Variants in ANKRD13C observed in about 807,000 individuals in gnomAD.
The protein encoded by ANKRD13C is ankyrin repeat domain 13C.
In ANKRD13C, 16 loss-of-function variants were observed where a neutral mutation model predicts 65.5. The observed-to-expected ratio is 0.24, with a 90% CI of 0.17 to 0.37. ANKRD13C has a LOEUF of 0.37. Ranked by LOEUF, ANKRD13C falls within the 10% of genes least tolerant of loss-of-function variation. The pLI is 1.00. For missense variants in ANKRD13C, 503 were observed against 655.9 expected (o/e 0.77, Z 2.55); for synonymous variants, 235 against 238.7 (o/e 0.98, Z 0.14).
At chr1:70,271,923 ATCTCT>A (rs1413348321) in intron 11 of ANKRD13C, among the ~76,000 whole-genome samples, 2 of 152,122 alleles carry the variant, frequency 1.3e-5, no homozygotes, top group Admixed American at 1.3e-4. Flanking sequence ...AATTTCTTTA[ATCTCT>A]TCTACTGAAT....
intron 9 of ANKRD13C, among the ~76,000 whole-genome samples, chr1:70,282,215 C>T (rs1182274979): frequency 2.0e-5 from 3 of 151,422 alleles, no homozygotes; most frequent in Non-Finnish European, 4.4e-5. Context: ...CCACCACGCC[C>T]GGCTAATTTT....
At chr1:70,273,847 G>A (rs1384453885) in intron 11 of ANKRD13C, among the ~76,000 whole-genome samples, 1 of 151,590 alleles carries the variant, frequency 6.6e-6, no homozygotes, top group Non-Finnish European at 1.5e-5. Flanking sequence ...GTAGAGATAG[G>A]GTTTCACCAC....
chr1:70,338,326 T>C (rs1207055521), intron 1 of ANKRD13C, among the ~76,000 whole-genome samples: 1 of 152,138 alleles, frequency 6.6e-6, no homozygotes, highest in African/African-American at 2.4e-5. Flanking sequence ...TTAGGAACTC[T>C]CAGTAAAGCA....
chr1:70,277,065 A>G (rs563628982), intron 9 of ANKRD13C, among the ~76,000 whole-genome samples: 1 of 152,256 alleles, frequency 6.6e-6, no homozygotes, highest in East Asian at 1.9e-4. Context: ...AAAAAGACAA[A>G]TATCAAAATA....
At chr1:70,313,715 AT>A in intron 5 of ANKRD13C, 29 bp downstream of exon 5, 1 of 1,547,712 alleles carries the variant, frequency 6.5e-7, no homozygotes, top group South Asian at 1.1e-5. Flanking sequence ...ATAAGTACAT[AT>A]TTTATACTAA....
intron 5 of ANKRD13C, among the ~76,000 whole-genome samples, chr1:70,312,689 T>G (rs559891311): frequency 2.0e-5 from 3 of 152,054 alleles, no homozygotes; most frequent in Non-Finnish European, 4.4e-5. Context: ...AAAATTAATT[T>G]AGATGCTTCA....
In ANKRD13C at chr1:70,260,131, T is replaced by C. The variant is rs908742058; in HGVS notation, c.*2586A>G. 3.3e-5 allele frequency among the ~76,000 whole-genome samples: 5 copies of C among 152,144 alleles called. No individual in the cohort carries two copies. The highest frequency in any genetic ancestry group is 1.2e-4 in the African/African-American group (5 of 41,442). ...CTGAGCAGAAGGAAACAGTTTTTCA[T>C]CTACTAACATGTATCAGCAGACAGA... On this transcript the variant is annotated 3_prime_UTR_variant, in exon 13 of 13. Transcript: ENST00000370944.
intron 1 of ANKRD13C, among the ~76,000 whole-genome samples, chr1:70,346,518 T>C (rs986534289): frequency 2.8e-4 from 42 of 152,128 alleles, no homozygotes; most frequent in Middle Eastern, 3.4e-3. Flanking sequence ...CCCCTAACTA[T>C]AGAACAAAGC....
chr1:70,271,715 G>A (rs1421873275), intron 11 of ANKRD13C, among the ~76,000 whole-genome samples: 5 of 152,146 alleles, frequency 3.3e-5, no homozygotes, highest in African/African-American at 1.2e-4. Flanking sequence ...GTTTGATCAG[G>A]ATAATTTTTG....
At chr1:70,295,604 A>G (rs1176454078) in intron 8 of ANKRD13C, among the ~76,000 whole-genome samples, 3 of 152,212 alleles carry the variant, frequency 2.0e-5, no homozygotes, top group Non-Finnish European at 2.9e-5. Context: ...TGACAGATAC[A>G]ATGGGAATTA....
At chr1:70,270,300 T>A (rs1461348751) in intron 12 of ANKRD13C, among the ~76,000 whole-genome samples, 1 of 152,224 alleles carries the variant, frequency 6.6e-6, no homozygotes, top group East Asian at 1.9e-4. Flanking sequence ...GTGAAATAGA[T>A]CCCTTACATT....
At chr1:70,294,861 C>T (rs771029734) in intron 8 of ANKRD13C, among the ~76,000 whole-genome samples, 1 of 152,124 alleles carries the variant, frequency 6.6e-6, no homozygotes, top group Non-Finnish European at 1.5e-5. Context: ...ACATTTCTAA[C>T]TCAAGAGCAC....
intron 3 of ANKRD13C, among the ~76,000 whole-genome samples, chr1:70,322,585 G>C (rs1681357060): frequency 6.6e-6 from 1 of 151,890 alleles, no homozygotes; most frequent in South Asian, 2.1e-4. Flanking sequence ...TTGTTTATTG[G>C]CCTTCCCAAT....
At chr1:70,332,718 G>C (rs967445027) in intron 2 of ANKRD13C, among the ~76,000 whole-genome samples, 1 of 152,040 alleles carries the variant, frequency 6.6e-6, no homozygotes, top group African/African-American at 2.4e-5. Flanking sequence ...TGCCCGCCTC[G>C]GCCTCCCAAA....
chr1:70,292,486 T>A lies in ANKRD13C; in HGVS notation c.1117A>T (p.Lys373Ter). ...TCTTCACTGAGATGTTCTCTTCTTT[T>A]CCTTGATTCTAAAACAAGTCCATTC... is the stretch of plus-strand genomic sequence containing the variant. ...LVNGLVLESR[K>*]RREHLSEEDI... The change falls in exon 9 of 13, where the codon AAA (lysine) becomes TAA (stop). Residue 373 changes from lysine (K) to a stop codon, truncating the protein, a stop_gained. Transcript: ENST00000370944. LOFTEE classifies it high-confidence loss of function. 4 of 1,610,256 alleles carry A rather than the reference T, an allele frequency of 2.5e-6. No individual in the cohort carries two copies. The highest frequency in any genetic ancestry group is 3.4e-6 in the Non-Finnish European group (4 of 1,178,976).
intron 5 of ANKRD13C, among the ~76,000 whole-genome samples, chr1:70,310,986 C>A (rs186756184): frequency 6.6e-6 from 1 of 152,146 alleles, no homozygotes; most frequent in Non-Finnish European, 1.5e-5. Context: ...AGTAACAAGA[C>A]TGCATAATCA....
At chr1:70,303,342 GC>G (rs1178910894) in intron 6 of ANKRD13C, among the ~76,000 whole-genome samples, 1 of 152,018 alleles carries the variant, frequency 6.6e-6, no homozygotes, top group Non-Finnish European at 1.5e-5. Flanking sequence ...CATGTAATTA[GC>G]CATGAAGAAC....
intron 8 of ANKRD13C, among the ~76,000 whole-genome samples, chr1:70,294,553 A>G (rs1348291429): frequency 6.7e-6 from 1 of 148,784 alleles, no homozygotes; most frequent in East Asian, 2.0e-4. Flanking sequence ...GGTTTCCAGG[A>G]AAAAAAAAAG....
At chr1:70,334,868 T>G (rs2101585452) in intron 2 of ANKRD13C, among the ~76,000 whole-genome samples, 1 of 152,010 alleles carries the variant, frequency 6.6e-6, no homozygotes, top group Middle Eastern at 3.4e-3. Flanking sequence ...ATTGCACCAT[T>G]GCACTCCAGC....
Sources: allele counts gnomAD v4.1 joint callset (sites outside exome capture counted in the v4.1 genomes callset), GRCh38; gene constraint gnomAD v4.1.1; transcripts MANE v1.5; gene names NCBI Gene and HGNC (gene_info 2026-07-23, HGNC 2026-07-21).